MPP7: variants seen among roughly 807,000 people sequenced by gnomAD.
The protein encoded by MPP7 is MAGUK p55 scaffold protein 7.
Under a neutral mutation model 76.5 loss-of-function variants are expected in MPP7, and 60 were observed. The ratio of observed to expected loss-of-function variants is 0.78; its 90% CI spans 0.64 to 0.97. MPP7 has a LOEUF of 0.97. MPP7 is among the 50% of genes least tolerant of loss of function. The probability of loss-of-function intolerance (pLI) is 0.00; values close to 1 mark genes in which losing one functional copy is unlikely to be tolerated. For synonymous variants in MPP7, 237 were observed against 244.5 expected, an observed-to-expected ratio of 0.97 and a Z score of 0.29; for missense variants, 641 against 694.0, an observed-to-expected ratio of 0.92 and a Z score of 0.86.
intron 12 of MPP7, among the ~76,000 whole-genome samples, chr10:28,085,532 T>C (rs1852966861): frequency 6.6e-6 from 1 of 152,164 alleles, no homozygotes; most frequent in Admixed American, 6.5e-5. Context: ...ACAGATATTT[T>C]GGTTGTCATT....
At chr10:28,119,045 G>A (rs1834745698) in intron 11 of MPP7, 1 of 985,322 alleles carries the variant, frequency 1.0e-6, no homozygotes, top group Non-Finnish European at 1.2e-6. Flanking sequence ...ATAAAGAAAA[G>A]CTGACAGAAG....
chr10:28,069,060 AGTGCTTGATACCATAC>A (rs1237583772), intron 13 of MPP7, among the ~76,000 whole-genome samples: 1 of 152,222 alleles, frequency 6.6e-6, no homozygotes, highest in East Asian at 1.9e-4. Context: ...TGCTCAGAAC[AGTGCTTGATACCATAC>A]GTGCTTGGTA....
intron 13 of MPP7, among the ~76,000 whole-genome samples, chr10:28,067,826 T>C (rs1341472262): frequency 2.6e-5 from 4 of 152,126 alleles, no homozygotes; most frequent in African/African-American, 9.7e-5. Context: ...TTTTAAAGGA[T>C]TGCTAGTGTT....
At chr10:28,055,239 A>C (rs1237260117) in intron 16 of MPP7, among the ~76,000 whole-genome samples, 1 of 152,158 alleles carries the variant, frequency 6.6e-6, no homozygotes, top group East Asian at 1.9e-4. Flanking sequence ...ATAACAGAAA[A>C]TTTAATTTTA....
intron 3 of MPP7, among the ~76,000 whole-genome samples, chr10:28,153,260 G>T (rs1286851647): frequency 6.6e-6 from 1 of 150,736 alleles, no homozygotes; most frequent in South Asian, 2.1e-4. Flanking sequence ...TCTCAAAAAA[G>T]AAAACAAAAA....
At chr10:28,063,617 C>A (rs1045198452) in intron 13 of MPP7, among the ~76,000 whole-genome samples, 2 of 49,968 alleles carry the variant, frequency 4.0e-5, no homozygotes, top group Non-Finnish European at 1.2e-4. Flanking sequence ...ACCACCTGAG[C>A]TCCTCCTCCT....
intron 1 of MPP7, among the ~76,000 whole-genome samples, 104 bp downstream of exon 1, chr10:28,302,757 C>A (rs1037232860): frequency 6.6e-6 from 1 of 152,090 alleles, no homozygotes; most frequent in Non-Finnish European, 1.5e-5. Context: ...ACCGCGGCAC[C>A]GCTCGGCCCG....
intron 1 of MPP7, among the ~76,000 whole-genome samples, chr10:28,270,554 C>A (rs1459623889): frequency 1.9e-4 from 6 of 31,718 alleles, no homozygotes; most frequent in Admixed American, 1.2e-3. Flanking sequence ...AGGAGGGGAG[C>A]TGGGGAGGGG....
Position 28,051,885 on chromosome 10 carries a change from C to CA in MPP7, c.*2179dup, listed in dbSNP as rs11292957. On this transcript the variant is annotated 3_prime_UTR_variant, in exon 17 of 17. Transcript: ENST00000683449. Reference sequence around the variant, plus strand: ...TGAGCAACATGGCAAGACCCTGTCTCAAAAAAAAAAAAAAAAGTATACTAC... The same window carrying CA: ...TGAGCAACATGGCAAGACCCTGTCTCAAAAAAAAAAAAAAAAAGTATACTAC... The CA allele has an allele frequency of 2.4e-3, 286 of 119,004 alleles. 1 individual carries two copies. The highest frequency in any genetic ancestry group is 5.8e-3 in the South Asian group (21 of 3,650). 7.4% of individuals were successfully genotyped at this position (119,004 alleles called of 1,614,324 possible).
intron 3 of MPP7, among the ~76,000 whole-genome samples, chr10:28,159,565 T>C (rs1836187038): frequency 6.6e-6 from 1 of 152,192 alleles, no homozygotes; most frequent in Non-Finnish European, 1.5e-5. Context: ...TCCTATCTAC[T>C]GGGACACGCT....
At chr10:28,128,945 A>G (rs1835104250) in intron 6 of MPP7, among the ~76,000 whole-genome samples, 1 of 152,230 alleles carries the variant, frequency 6.6e-6, no homozygotes. Context: ...CATTATAGAC[A>G]GAGATAAGTG....
intron 3 of MPP7, among the ~76,000 whole-genome samples, chr10:28,158,783 T>C (rs1393938232): frequency 6.6e-6 from 1 of 152,206 alleles, no homozygotes; most frequent in Non-Finnish European, 1.5e-5. Context: ...ACACAAGCCA[T>C]GCACTGTAAG....
intron 8 of MPP7, among the ~76,000 whole-genome samples, chr10:28,121,620 A>G (rs978085805): frequency 6.6e-6 from 1 of 152,002 alleles, no homozygotes; most frequent in African/African-American, 2.4e-5. Context: ...TCTTTTTACC[A>G]TGTATTGTAG....
At chr10:28,149,314 T>C (rs1423003202) in intron 4 of MPP7, among the ~76,000 whole-genome samples, 5 of 152,230 alleles carry the variant, frequency 3.3e-5, no homozygotes, top group Admixed American at 2.6e-4. Context: ...ATGTCCTTTA[T>C]AGTTTATCCA....
chr10:28,288,656 A>G (rs1030170920), intron 1 of MPP7, among the ~76,000 whole-genome samples: 3 of 152,240 alleles, frequency 2.0e-5, no homozygotes, highest in Admixed American at 6.5e-5. Context: ...GAGGTCCTTA[A>G]TAATTGTTAA....
intron 12 of MPP7, among the ~76,000 whole-genome samples, chr10:28,080,637 C>G: frequency 6.6e-6 from 1 of 152,064 alleles, no homozygotes; most frequent in East Asian, 1.9e-4. Flanking sequence ...GCTGGTACAC[C>G]GTAAAACTCA....
At chr10:28,175,697 G>A (rs75585755) in intron 3 of MPP7, among the ~76,000 whole-genome samples, 4,716 of 152,210 alleles carry the variant, frequency 0.031, 92 homozygotes, top group South Asian at 0.06. Context: ...AAAACAAGAA[G>A]CTATGAACCA....
intron 1 of MPP7, among the ~76,000 whole-genome samples, chr10:28,290,661 T>A (rs750144133): frequency 2.6e-5 from 4 of 152,090 alleles, no homozygotes; most frequent in Non-Finnish European, 5.9e-5. Context: ...TTAGTACAGA[T>A]GGGGTTTCAT....
chr10:28,092,901 C>G (rs1174138259), intron 11 of MPP7, among the ~76,000 whole-genome samples: 1 of 151,958 alleles, frequency 6.6e-6, no homozygotes, highest in African/African-American at 2.4e-5. Context: ...ACAGACATAA[C>G]ACACTACACC....
Sources: gnomAD v4.1 joint callset for allele counts (sites outside exome capture counted in the v4.1 genomes callset) on GRCh38, gnomAD v4.1.1 for gene constraint, MANE v1.5 for transcripts, NCBI Gene and HGNC (gene_info 2026-07-23, HGNC 2026-07-21) for gene names.